Variants in TTN observed in about 807,000 individuals in gnomAD.
TTN encodes titin, also known as connectin.
TTN carries 1,525 observed loss-of-function variants against 3,223.0 expected under a neutral mutation model. That is an observed-to-expected ratio of 0.47 (90% CI 0.45 to 0.49). The LOEUF is 0.49. TTN is among the 20% of genes least tolerant of loss of function. The probability of loss-of-function intolerance (pLI) is 0.00; values close to 1 mark genes in which losing one functional copy is unlikely to be tolerated. For synonymous variants in TTN, 14,094 were observed against 15,161.0 expected (o/e 0.93, Z 5.17); for missense variants, 40,786 against 43,424.0 (o/e 0.94, Z 5.40).
intron 48 of TTN, among the ~76,000 whole-genome samples, chr2:178,738,760 T>A (rs950569241): frequency 6.6e-6 from 1 of 152,100 alleles, no homozygotes; most frequent in Non-Finnish European, 1.5e-5. Flanking sequence ...AACAGACAAC[T>A]AATCATGGTT....
intron 248 of TTN, 24 bp downstream of exon 248, chr2:178,620,193 A>G: frequency 1.9e-6 from 3 of 1,551,602 alleles, no homozygotes; most frequent in Non-Finnish European, 2.6e-6. Context: ...CTACAGAAAT[A>G]GAGAATAAAA....
Position 178,749,741 on chromosome 2 carries a change from T to C in TTN, c.11311+3383A>G, listed in dbSNP as rs552206612. ...TTTTCCAGAATCTTGAGAATTAACA[T>C]CCTTAATATATAATTGGTGGCTACA... On this transcript the variant is annotated intron_variant, in intron 47 of 362. Coordinates refer to ENST00000589042, the MANE Select transcript of TTN (RefSeq NM_001267550.2). 5 of 1,613,002 alleles carry C rather than the reference T, an allele frequency of 3.1e-6. No individual in the cohort carries two copies. In the South Asian group the frequency reaches 3.3e-5, roughly 11 times the overall value.
rs727503603 is a variant in TTN at position 178,605,109 on chromosome 2, C to T, written c.54068G>A (p.Arg18023Gln). 9.9e-5 allele frequency: 159 copies of T among 1,612,604 alleles called. 1 individual carries two copies. The highest frequency in any genetic ancestry group is 5.4e-4 in the South Asian group (49 of 91,026). ...ALQITKEEVSRSEAKTELSIP... is the reference protein window; with the variant it reads ...ALQITKEEVSQSEAKTELSIP... ...GCTAAGCTCAGTTTTTGCCTCACTT[C>T]GGGATACCTCTTCCTTGGTTATCTG... Residue 18023 changes from arginine (R) to glutamine (Q), a missense_variant, in exon 280 of 363, where the codon CGA (arginine) becomes CAA (glutamine). Transcript: ENST00000589042.
chr2:178,549,591 C>T lies in TTN; in HGVS notation c.92131G>A (p.Val30711Met), dbSNP rs747122. 95,031 of 1,612,856 alleles carry T rather than the reference C, an allele frequency of 0.059. 6,393 individuals carry two copies. Among genetic ancestry groups the T allele is most frequent in the African/African-American group, 0.26 (19,613 of 74,946 alleles). The part of the protein sequence containing the change: ...GVGRPLDSDP[V>M]VAQIQYTVPD... ...TTACTATATTGTATTTGAGCAACCA[C>T]TGGATCAGAATCAAGTGGCCTGCCA... Residue 30711 changes from valine to methionine, a missense_variant, in exon 338 of 363, where the codon GTG becomes ATG. Physicochemically the swap from Val to Met is conservative, Grantham distance 21. Coordinates refer to ENST00000589042, the MANE Select transcript of TTN (RefSeq NM_001267550.2).
rs1421786428 is a variant in TTN, at chr2:178,593,596, A to C, written c.58704T>G (p.Ser19568=). ...AACGATCTTTGGCTTTCATTGAATC[A>C]GACACCAGAGGATCACTTATTCCAT... is the stretch of plus-strand genomic sequence containing the variant. ...NLYGISDPLV[S]DSMKAKDRFR... is the part of the protein sequence containing the mutation. The change falls in exon 298 of 363, where the codon TCT becomes TCG. Residue 19568 remains serine, a synonymous_variant. Coordinates refer to ENST00000589042, the MANE Select transcript of TTN (RefSeq NM_001267550.2). 6.2e-7 allele frequency: 1 copy of C among 1,612,462 alleles called. No individual in the cohort carries two copies. Among genetic ancestry groups the C allele is most frequent in the Non-Finnish European group, 8.5e-7 (1 of 1,179,364 alleles).
In TTN at chr2:178,696,109, A is replaced by G. The variant is rs1167073084; in HGVS notation, c.30963T>C (p.Tyr10321=). ...TGTATGGTTCTACCTCCAGTTCGTC[A>G]TAAGGTTCTTCGAAAGATTCAATGA... The part of the protein sequence containing the change: ...RVFIESFEEP[Y]DELEVEPYTE... Residue 10321 remains tyrosine, a synonymous_variant, in exon 114 of 363, where the codon TAT becomes TAC. Coordinates refer to ENST00000589042, the MANE Select transcript of TTN (RefSeq NM_001267550.2). 2.6e-6 allele frequency: 4 copies of G among 1,551,548 alleles called. No individual in the cohort carries two copies. The highest frequency in any genetic ancestry group is 3.5e-6 in the Non-Finnish European group (4 of 1,146,816).
At chr2:178,635,375 G>T in intron 227 of TTN, 65 bp downstream of exon 227, 4 of 1,606,592 alleles carry the variant, frequency 2.5e-6, no homozygotes, top group Non-Finnish European at 3.4e-6. Context: ...TATGTGTTTT[G>T]GTGTGTTATT....
Position 178,617,866 on chromosome 2 carries a change from A to G in TTN, c.47485T>C (p.Tyr15829His). 6.2e-7 allele frequency: 1 copy of G among 1,612,492 alleles called. No individual in the cohort carries two copies. The highest frequency in any genetic ancestry group is 1.1e-5 in the South Asian group (1 of 91,046). ...TVTDVVEGQEYSFRVRAQNRI... is the reference protein window; with the variant it reads ...TVTDVVEGQEHSFRVRAQNRI... ...TTTTGGGCTCTCACTCGGAAACTGT[A>G]CTCCTGTCCTTCTACCACATCAGTA... Residue 15829 changes from tyrosine (Y) to histidine (H), a missense_variant, in exon 253 of 363, where the codon TAC becomes CAC. By Grantham distance (83) the Tyr-to-His change is moderately conservative. Transcript: ENST00000589042.
intron 47 of TTN, chr2:178,746,933 C>T: frequency 1.2e-6 from 2 of 1,613,528 alleles, no homozygotes; most frequent in Non-Finnish European, 1.7e-6. Context: ...ATAAGCTGAA[C>T]CCCTCTCTTC....
intron 275 of TTN, 39 bp from the exon 276 acceptor site, chr2:178,608,120 G>A (rs1224956938): frequency 6.2e-7 from 1 of 1,605,748 alleles, no homozygotes; most frequent in Non-Finnish European, 8.5e-7. Flanking sequence ...ACTCCCTGAT[G>A]GTTTTAAAAT....
Position 178,717,368 on chromosome 2 carries a change from G to T in TTN, c.25366C>A (p.Pro8456Thr). 1 of 1,607,900 alleles carries T rather than the reference G, an allele frequency of 6.2e-7. No individual in the cohort carries two copies. Among genetic ancestry groups the T allele is most frequent in the Non-Finnish European group, 8.5e-7 (1 of 1,175,384 alleles). The change falls in exon 88 of 363, where the codon CCT (proline) becomes ACT (threonine). Residue 8456 changes from proline to threonine, a missense_variant. Pro to Thr is a conservative substitution (Grantham distance 38, BLOSUM62 -1). Coordinates refer to ENST00000589042, the MANE Select transcript of TTN (RefSeq NM_001267550.2). Reference sequence around the variant, plus strand: ...GATACAGGCTTTAGATCAAAGAAAGGAGGCACTTCATGCTCTGAAAAGAAT... The same window carrying T: ...GATACAGGCTTTAGATCAAAGAAAGTAGGCACTTCATGCTCTGAAAAGAAT... ...KLILSEHEVP[P>T]FFDLKPVSVD...
rs531976829 is a variant in TTN, at chr2:178,769,737, C to T, written c.8844G>A (p.Ser2948=). 47 of 1,613,780 alleles carry T rather than the reference C, an allele frequency of 2.9e-5. 1 individual carries two copies. The highest frequency in any genetic ancestry group is 2.9e-4 in the South Asian group (26 of 91,066). ...TGCCACAGACAAATGTGTATTCTGC[C>T]GAGTCCTCTGTGCTGGTGTTCATGA... ...LIIMNTSTED[S]AEYTFVCGND... Residue 2948 remains serine, a synonymous_variant, in exon 37 of 363, where the codon TCG becomes TCA. Transcript: ENST00000589042.
rs535151633 is a variant in TTN at position 178,549,843 on chromosome 2, T to C, written c.91879A>G (p.Ile30627Val). The change falls in exon 338 of 363, where the codon ATA (isoleucine) becomes GTA (valine). Residue 30627 changes from isoleucine (I) to valine (V), a missense_variant. Coordinates refer to ENST00000589042, the MANE Select transcript of TTN (RefSeq NM_001267550.2). ...QDTPGKVVGP[I>V]RFTNITGEKM... ...TCCCCAGTAATATTGGTGAATCTTA[T>C]TGGCCCAACTACTTTTCCTGGTGTA... The C allele has an allele frequency of 1.1e-5, 18 of 1,581,346 alleles. No homozygotes were observed. In the East Asian group the frequency reaches 1.8e-4, roughly 16 times the overall value.
rs572569285 is a variant in TTN at position 178,568,829 on chromosome 2, A to G, written c.77303T>C (p.Leu25768Pro). ...TTCATTTACAGCAACAACTCTAAAA[A>G]GATATTCTTCCCCTTGAGTTAGGTT... ...ITNLTQGEEY[L>P]FRVVAVNEKG... is the part of the protein sequence containing the mutation. Residue 25768 changes from leucine to proline, a missense_variant, in exon 326 of 363, where the codon CTT (leucine) becomes CCT (proline). By Grantham distance (98) the Leu-to-Pro change is moderately conservative (BLOSUM62 -3). Coordinates refer to ENST00000589042, the MANE Select transcript of TTN (RefSeq NM_001267550.2). 1.2e-6 allele frequency: 2 copies of G among 1,613,248 alleles called. No homozygotes were observed. Among genetic ancestry groups the G allele is most frequent in the South Asian group, 2.2e-5 (2 of 91,046 alleles).
At chr2:178,644,672 A>T in intron 217 of TTN, 56 bp from the exon 218 acceptor site, 1 of 1,343,220 alleles carries the variant, frequency 7.4e-7, no homozygotes, top group Non-Finnish European at 1.0e-6. Flanking sequence ...GAAGCAAGTG[A>T]TTAACTTTCT....
chr2:178,623,526 CT>C (rs2058603859), intron 242 of TTN, among the ~76,000 whole-genome samples: 1 of 151,876 alleles, frequency 6.6e-6, no homozygotes. Flanking sequence ...CAAATGCTGT[CT>C]AATAGGTTTG....
At chr2:178,666,792 G>A (rs988251458) in intron 163 of TTN, 32 bp downstream of exon 163, 8 of 1,512,198 alleles carry the variant, frequency 5.3e-6, no homozygotes, top group African/African-American at 1.4e-5. Flanking sequence ...GCAAACATGA[G>A]ATTAAAAAGG....
In TTN at chr2:178,790,860, A is replaced by G. The variant is rs953581829; in HGVS notation, c.1663-15T>C. On this transcript the variant is annotated splice_polypyrimidine_tract_variant and intron_variant, in intron 10 of 362. Coordinates refer to ENST00000589042, the MANE Select transcript of TTN (RefSeq NM_001267550.2). ...TCCTGTCTTATCTGATGTTTAGAGT[A>G]AAATAAAGATTTGAGTTTCAAAAGA... The G allele has an allele frequency of 2.5e-6, 4 of 1,613,858 alleles. No individual in the cohort carries two copies. The highest frequency in any genetic ancestry group is 3.3e-5 in the Admixed American group (2 of 60,020).
chr2:178,766,391 G>C lies in TTN; in HGVS notation c.9693C>G (p.Leu3231=). 1 of 1,608,736 alleles carries C rather than the reference G, an allele frequency of 6.2e-7. No individual in the cohort carries two copies. The highest frequency in any genetic ancestry group is 8.5e-7 in the Non-Finnish European group (1 of 1,175,206). The change falls in exon 41 of 363, where the codon CTC becomes CTG. Residue 3231 remains leucine, a synonymous_variant. Transcript: ENST00000589042. ...VAGRNRSSVT[L]YVNAPEPPQV... ...TCTGTCCCTACATACCATTGACATA[G>C]AGAGTGACAGAACTCCTGTTCCTTC...
Sources: allele counts gnomAD v4.1 joint callset (sites outside exome capture counted in the v4.1 genomes callset), GRCh38; gene constraint gnomAD v4.1.1; transcripts MANE v1.5; gene names NCBI Gene and HGNC (gene_info 2026-07-23, HGNC 2026-07-21).